QRFPR: variants seen among roughly 807,000 people sequenced by gnomAD.
The protein encoded by QRFPR is pyroglutamylated RFamide peptide receptor, also known as pyroglutamylated RF-amide peptide receptor.
QRFPR carries 37 observed loss-of-function variants against 31.3 expected under a neutral mutation model. That is an observed-to-expected ratio of 1.18 (90% CI 0.91 to 1.56). The LOEUF (loss-of-function observed/expected upper bound fraction) is 1.56, where lower values mean the gene tolerates loss of function less well. QRFPR is among the 40% of genes most tolerant of loss of function. QRFPR has a pLI of 0.00. For missense variants in QRFPR, 542 were observed against 532.5 expected (o/e 1.02, Z -0.18); for synonymous variants, 197 against 192.0 (o/e 1.03, Z -0.22).
intron 5 of QRFPR, 86 bp downstream of exon 5, chr4:121,330,340 A>G: frequency 1.1e-6 from 1 of 916,162 alleles, no homozygotes; most frequent in Non-Finnish European, 1.7e-6. Flanking sequence ...TATCCAAGTG[A>G]ACAGCGACAC....
chr4:121,344,454 C>T (rs1170803698), intron 1 of QRFPR, among the ~76,000 whole-genome samples: 1 of 152,148 alleles, frequency 6.6e-6, no homozygotes, highest in Non-Finnish European at 1.5e-5. Context: ...TTGCCCTATT[C>T]ATTACTTCTG....
intron 1 of QRFPR, among the ~76,000 whole-genome samples, chr4:121,349,525 A>C (rs1002321681): frequency 4.6e-5 from 7 of 152,204 alleles, no homozygotes; most frequent in Admixed American, 2.0e-4. Context: ...TGCTCCTAAA[A>C]TAATTTCTTT....
At chr4:121,342,751 G>A (rs1222522396) in intron 1 of QRFPR, among the ~76,000 whole-genome samples, 1 of 151,904 alleles carries the variant, frequency 6.6e-6, no homozygotes, top group Non-Finnish European at 1.5e-5. Flanking sequence ...ATGGCAATAC[G>A]TTAGGCCATT....
At chr4:121,346,808 C>T (rs1036958969) in intron 1 of QRFPR, among the ~76,000 whole-genome samples, 1 of 152,014 alleles carries the variant, frequency 6.6e-6, no homozygotes, top group Non-Finnish European at 1.5e-5. Flanking sequence ...TCTTCTTTAG[C>T]TTGATGGATA....
chr4:121,363,699 AC>A (rs1212755666), intron 1 of QRFPR, among the ~76,000 whole-genome samples: 1 of 150,104 alleles, frequency 6.7e-6, no homozygotes, highest in Non-Finnish European at 1.5e-5. Context: ...AAAGTAGAAA[AC>A]CTGAAGACAA....
chr4:121,358,059 C>T (rs887148800), intron 1 of QRFPR, among the ~76,000 whole-genome samples: 1 of 152,094 alleles, frequency 6.6e-6, no homozygotes, highest in Non-Finnish European at 1.5e-5. Context: ...TCACAAATAA[C>T]CATAAAATTA....
At chr4:121,351,079 A>G (rs1157892697) in intron 1 of QRFPR, among the ~76,000 whole-genome samples, 1 of 152,180 alleles carries the variant, frequency 6.6e-6, no homozygotes, top group Non-Finnish European at 1.5e-5. Flanking sequence ...CATCCTGCAC[A>G]TGTACAATAA....
chr4:121,329,551 A>C lies in QRFPR; in HGVS notation c.1059T>G (p.Asn353Lys), dbSNP rs758202430. 3.1e-6 allele frequency: 5 copies of C among 1,613,766 alleles called. No homozygotes were observed. The Admixed American group carries it at 8.3e-5, about 27-fold the overall frequency. ...GCCTTTGTGCTGGAGAGAAGGTTTT[A>C]TTTACTATGCAATAACAAACTGCAG... The part of the protein sequence containing the change: ...VLSAVCYCIV[N>K]KTFSPAQRHG... Residue 353 changes from asparagine to lysine, a missense_variant, in exon 6 of 6, where the codon AAT becomes AAG. By Grantham distance (94) the Asn-to-Lys change is moderately conservative (BLOSUM62 0). Coordinates refer to ENST00000394427, the MANE Select transcript of QRFPR (RefSeq NM_198179.3).
intron 1 of QRFPR, among the ~76,000 whole-genome samples, chr4:121,351,813 G>A (rs887884221): frequency 6.8e-6 from 1 of 148,074 alleles, no homozygotes; most frequent in Non-Finnish European, 1.5e-5. Flanking sequence ...GTTCACCAAA[G>A]ATACAACTCC....
rs1291102213 is a variant in QRFPR, at chr4:121,344,120, C to T, written c.341-3510G>A. ...TAAGGTAAATATGATGCACTTGGGGCTGACATGTTCTTTGTGGATAAACTG... is the reference window on the plus strand; with the variant it reads ...TAAGGTAAATATGATGCACTTGGGGTTGACATGTTCTTTGTGGATAAACTG... On this transcript the variant is annotated intron_variant, in intron 1 of 5. Coordinates refer to ENST00000394427, the MANE Select transcript of QRFPR (RefSeq NM_198179.3). Among the ~76,000 whole-genome samples the T allele has an allele frequency of 2.0e-5, 3 of 152,282 alleles. 1 individual carries two copies. The East Asian group carries it at 5.8e-4, about 29-fold the overall frequency.
At position 121,345,715 on chromosome 4, in the gene QRFPR, A is replaced by G. The variant is rs998686705; in HGVS notation, c.341-5105T>C. On this transcript the variant is annotated intron_variant, in intron 1 of 5. Coordinates refer to ENST00000394427, the MANE Select transcript of QRFPR (RefSeq NM_198179.3). The stretch of plus-strand genomic sequence containing the variant: ...CTACTGCCTTCCATTCTCAACTTAA[A>G]TCATTTATACAACTCTATTGCCCAA... Among the ~76,000 whole-genome samples, 16 of 152,288 alleles carry G rather than the reference A, an allele frequency of 1.1e-4. No individual in the cohort carries two copies. The Middle Eastern group carries it at 0.014, about 129-fold the overall frequency.
At chr4:121,351,603 T>A (rs1007342064) in intron 1 of QRFPR, among the ~76,000 whole-genome samples, 1 of 152,138 alleles carries the variant, frequency 6.6e-6, no homozygotes, top group African/African-American at 2.4e-5. Flanking sequence ...ATTATGTTTA[T>A]AATGTTAAAA....
At chr4:121,369,065 G>A (rs1433167254) in intron 1 of QRFPR, among the ~76,000 whole-genome samples, 1 of 152,174 alleles carries the variant, frequency 6.6e-6, no homozygotes, top group African/African-American at 2.4e-5. Flanking sequence ...GTCTCACTCT[G>A]TCGCCCAGGC....
At chr4:121,330,619 A>G in intron 4 of QRFPR, 96 bp from the exon 5 acceptor site, 2 of 853,200 alleles carry the variant, frequency 2.3e-6, no homozygotes, top group East Asian at 2.5e-5. Flanking sequence ...TAGTTCACTC[A>G]AACATAATTT....
Position 121,351,218 on chromosome 4 carries a change from A to G in QRFPR, c.341-10608T>C, listed in dbSNP as rs557294556. 3.0e-3 allele frequency among the ~76,000 whole-genome samples: 458 copies of G among 152,268 alleles called. 3 individuals are homozygous for G. The highest frequency in any genetic ancestry group is 0.01 in the African/African-American group (432 of 41,554). On this transcript the variant is annotated intron_variant, in intron 1 of 5. Transcript: ENST00000394427. ...ACAGGTAGGAGCTGTCCCCTGGAAAACTTTGACTTAGGATGAGTGGGTCTT... is the reference window on the plus strand; with the variant it reads ...ACAGGTAGGAGCTGTCCCCTGGAAAGCTTTGACTTAGGATGAGTGGGTCTT...
At chr4:121,380,059 A>G (rs899366128) in intron 1 of QRFPR, among the ~76,000 whole-genome samples, 3 of 152,030 alleles carry the variant, frequency 2.0e-5, no homozygotes, top group African/African-American at 2.4e-5. Context: ...GAGGGGAATC[A>G]GAGGCGGCCA....
intron 1 of QRFPR, among the ~76,000 whole-genome samples, chr4:121,355,115 G>A (rs1417849840): frequency 6.6e-6 from 1 of 151,936 alleles, no homozygotes; most frequent in African/African-American, 2.4e-5. Flanking sequence ...CTTCCGCTTT[G>A]ATTTTTTTGT....
intron 1 of QRFPR, among the ~76,000 whole-genome samples, chr4:121,361,867 G>A (rs982782991): frequency 6.7e-6 from 1 of 150,140 alleles, no homozygotes; most frequent in African/African-American, 2.5e-5. Context: ...AAAAGGAACG[G>A]CCTCTTCCTT....
intron 4 of QRFPR, among the ~76,000 whole-genome samples, chr4:121,332,397 C>G (rs1484708706): frequency 6.6e-6 from 1 of 152,096 alleles, no homozygotes; most frequent in African/African-American, 2.4e-5. Flanking sequence ...TTAGCATTAT[C>G]CTTGGGTGGG....
Sources: allele counts gnomAD v4.1 joint callset (sites outside exome capture counted in the v4.1 genomes callset), GRCh38; gene constraint gnomAD v4.1.1; transcripts MANE v1.5; gene names NCBI Gene and HGNC (gene_info 2026-07-23, HGNC 2026-07-21).